Variants in TBL1X observed in about 807,000 individuals in gnomAD.
The protein encoded by TBL1X is F-box-like/WD repeat-containing protein TBL1X.
TBL1X carries 10 observed loss-of-function variants against 50.7 expected under a neutral mutation model. The ratio of observed to expected loss-of-function variants is 0.20; its 90% CI spans 0.12 to 0.33. TBL1X has a LOEUF of 0.33. TBL1X is among the 10% of genes least tolerant of loss of function. The probability of loss-of-function intolerance (pLI) is 1.00; values close to 1 mark genes in which losing one functional copy is unlikely to be tolerated. For missense variants in TBL1X, 340 were observed against 504.4 expected (o/e 0.67, Z 3.12); for synonymous variants, 190 against 214.7 (o/e 0.88, Z 1.01).
At chrX:9,547,463 A>T (rs907799983) in intron 2 of TBL1X, among the ~76,000 whole-genome samples, 118 of 110,652 alleles carry the variant, frequency 1.1e-3, no homozygotes, top group Admixed American at 1.9e-3. Context: ...GGGACTACAG[A>T]TGTGTGCTAC....
At chrX:9,685,778 A>G (rs1192182695) in intron 6 of TBL1X, among the ~76,000 whole-genome samples, 2 of 91,629 alleles carry the variant, frequency 2.2e-5, no homozygotes, top group African/African-American at 4.3e-5. Flanking sequence ...GTGGGAGTAC[A>G]GTGGTACAAT....
chrX:9,709,111 G>C (rs2083228310), intron 13 of TBL1X, 137 bp from the exon 14 acceptor site: 1 of 538,619 alleles, frequency 1.9e-6, no homozygotes, highest in South Asian at 3.1e-5. Flanking sequence ...TGGCTGGTTG[G>C]GCTGTGCCCT....
intron 5 of TBL1X, among the ~76,000 whole-genome samples, chrX:9,674,680 GCCCCCCCCCCCCCCC>G (rs57080019): frequency 1.7e-3 from 7 of 4,012 alleles, no homozygotes; most frequent in African/African-American, 2.9e-3. Context: ...TCCCGCCTCA[GCCCCCCCCCCCCCCC>G]CCCCCCCCCA....
chrX:9,669,983 A>G (rs1362189077), intron 5 of TBL1X, among the ~76,000 whole-genome samples: 1 of 111,770 alleles, frequency 8.9e-6, no homozygotes, highest in African/African-American at 3.3e-5. Context: ...AACCTGGGGG[A>G]AAAATTTAGT....
At chrX:9,587,728 G>A (rs1226980388) in intron 2 of TBL1X, among the ~76,000 whole-genome samples, 5 of 111,238 alleles carry the variant, frequency 4.5e-5, no homozygotes, top group Non-Finnish European at 9.4e-5. Context: ...GCGTGCACCC[G>A]TCACCACAGC....
intron 5 of TBL1X, among the ~76,000 whole-genome samples, chrX:9,656,371 C>T (rs905571840): frequency 7.1e-5 from 8 of 112,891 alleles, no homozygotes; most frequent in African/African-American, 2.3e-4. Context: ...TGGAACTGTC[C>T]GGTGTGAAGG....
In TBL1X at chrX:9,609,338, T is replaced by G. The variant is rs191577389; in HGVS notation, c.-130-30935T>G. Among the ~76,000 whole-genome samples, 507 of 57,041 alleles carry G rather than the reference T, an allele frequency of 8.9e-3. 13 individuals carry two copies. The East Asian group carries it at 0.22, about 24-fold the overall frequency. The allele number at this position is 57,041 out of a possible 115,157, so 49.5% of individuals were successfully genotyped here. A position where few individuals can be genotyped will look rare whatever the true frequency, so the allele number is the denominator to read the frequency against. ...TTTTGGTGGTGTGTTTTCTTCCAGG[T>G]GTGTGTGTGTGTGTGTGTGTGTGTG... On this transcript the variant is annotated intron_variant, in intron 2 of 17. Transcript: ENST00000645353.
intron 2 of TBL1X, among the ~76,000 whole-genome samples, chrX:9,540,488 T>C (rs1328339086): frequency 8.9e-6 from 1 of 112,513 alleles, no homozygotes. Flanking sequence ...TGAAGTCTTC[T>C]TGCCCTGTTT....
chrX:9,515,118 AG>A (rs931423143), intron 2 of TBL1X, among the ~76,000 whole-genome samples: 1 of 111,702 alleles, frequency 9.0e-6, no homozygotes, highest in Admixed American at 9.5e-5. Flanking sequence ...AGACTGATGG[AG>A]GGGGGAAAAA....
chrX:9,630,793 C>G (rs2082717091), intron 2 of TBL1X, among the ~76,000 whole-genome samples: 1 of 110,978 alleles, frequency 9.0e-6, no homozygotes, highest in African/African-American at 3.3e-5. Context: ...CCAGACTGGT[C>G]TCGAACTCCT....
chrX:9,471,075 C>T (rs1377253855), intron 1 of TBL1X, among the ~76,000 whole-genome samples: 1 of 112,581 alleles, frequency 8.9e-6, no homozygotes, highest in Non-Finnish European at 1.9e-5. Context: ...GGACCTTTGC[C>T]GTTTTCCCAA....
chrX:9,639,742 T>C (rs1246413245), intron 2 of TBL1X: 3 of 111,378 alleles, frequency 2.7e-5, no homozygotes, highest in African/African-American at 9.8e-5. Flanking sequence ...ATGAGCACAG[T>C]ACATGAGGAT....
At chrX:9,527,100 G>C (rs1294663853) in intron 2 of TBL1X, among the ~76,000 whole-genome samples, 2 of 112,275 alleles carry the variant, frequency 1.8e-5, no homozygotes, top group East Asian at 5.6e-4. Flanking sequence ...GATCACACAG[G>C]ACAAAGGAGG....
chrX:9,613,023 A>T (rs2082621174), intron 2 of TBL1X, among the ~76,000 whole-genome samples: 1 of 108,717 alleles, frequency 9.2e-6, no homozygotes, highest in African/African-American at 3.4e-5. Context: ...AAAAAAATAA[A>T]TGTACAAATT....
At chrX:9,597,584 A>G (rs749272731) in intron 2 of TBL1X, among the ~76,000 whole-genome samples, 1 of 112,676 alleles carries the variant, frequency 8.9e-6, no homozygotes, top group East Asian at 2.8e-4. Context: ...ACTGGATTCT[A>G]AATGCCAAAA....
In TBL1X at chrX:9,654,376, C is replaced by G. The variant is rs1310375981; in HGVS notation, c.211+54C>G. 4.4e-6 allele frequency: 5 copies of G among 1,127,401 alleles called. No homozygotes were observed. In the African/African-American group the frequency reaches 9.2e-5, roughly 21 times the overall value. The allele number at this position is 1,127,401 out of a possible 1,213,427, so 92.9% of individuals were successfully genotyped here. On this transcript the variant is annotated intron_variant, in intron 5 of 17. Transcript: ENST00000645353. ...AAATTCATCTACAGCATCTTACAAG[C>G]AGAAGGATCAACGCTTAATTCAAAA...
intron 3 of TBL1X, chrX:9,645,395 A>T (rs1158390898): frequency 8.9e-6 from 1 of 112,318 alleles, no homozygotes; most frequent in Non-Finnish European, 1.9e-5. Context: ...TGAGTAGTCC[A>T]TGTTCAGAGT....
intron 2 of TBL1X, among the ~76,000 whole-genome samples, chrX:9,623,217 TC>T (rs1388805487): frequency 8.9e-5 from 10 of 112,294 alleles, no homozygotes; most frequent in African/African-American, 2.6e-4. Context: ...TTTAATATTT[TC>T]AGATGGCTAA....
intron 5 of TBL1X, among the ~76,000 whole-genome samples, chrX:9,669,395 T>C (rs2082948070): frequency 9.0e-6 from 1 of 111,515 alleles, no homozygotes; most frequent in Non-Finnish European, 1.9e-5. Context: ...TATGGGATGA[T>C]ATATGTAAAA....
Sources: gnomAD v4.1 joint callset for allele counts (sites outside exome capture counted in the v4.1 genomes callset) on GRCh38, gnomAD v4.1.1 for gene constraint, MANE v1.5 for transcripts, NCBI Gene and HGNC (gene_info 2026-07-23, HGNC 2026-07-21) for gene names.